Variants in LYN observed in about 807,000 individuals in gnomAD.
LYN encodes the protein tyrosine-protein kinase Lyn.
A neutral mutation model predicts 65.0 loss-of-function variants in LYN; 12 were observed. That is an observed-to-expected ratio of 0.18 (90% confidence interval 0.12 to 0.30). LYN has a LOEUF of 0.30. Ranked by LOEUF, LYN falls within the 10% of genes least tolerant of loss-of-function variation. The probability of loss-of-function intolerance (pLI) is 1.00; values close to 1 mark genes in which losing one functional copy is unlikely to be tolerated. For missense variants in LYN, 380 were observed against 623.2 expected (o/e 0.61, Z 4.16); for synonymous variants, 222 against 221.2 (o/e 1.00, Z -0.03).
chr8:55,989,360 C>G (rs1197935510), intron 10 of LYN, among the ~76,000 whole-genome samples: 1 of 152,190 alleles, frequency 6.6e-6, no homozygotes, highest in Non-Finnish European at 1.5e-5. Flanking sequence ...TAAAAGAAGT[C>G]CATCTGATAT....
chr8:55,936,467 C>A (rs2130462494), intron 1 of LYN, among the ~76,000 whole-genome samples: 1 of 152,256 alleles, frequency 6.6e-6, no homozygotes, highest in South Asian at 2.1e-4. Context: ...TGGTGAAACC[C>A]TGTCTCTACT....
At chr8:55,911,204 T>C (rs868586891) in intron 1 of LYN, among the ~76,000 whole-genome samples, 9 of 31,984 alleles carry the variant, frequency 2.8e-4, no homozygotes, top group Non-Finnish European at 5.1e-4. Flanking sequence ...CACACATATA[T>C]ATATACACGT....
At chr8:55,941,489 G>A (rs1176696517) in intron 1 of LYN, among the ~76,000 whole-genome samples, 1 of 152,174 alleles carries the variant, frequency 6.6e-6, no homozygotes, top group East Asian at 1.9e-4. Flanking sequence ...TCAACTCACA[G>A]AGCATTTCCT....
intron 1 of LYN, chr8:55,902,610 AAAAC>A (rs1010807298): frequency 7.6e-5 from 25 of 330,852 alleles, no homozygotes; most frequent in South Asian, 3.0e-4. Flanking sequence ...ATACAAAAAA[AAAAC>A]AACAACAACA....
chr8:55,932,772 G>A (rs942730766), intron 1 of LYN, among the ~76,000 whole-genome samples: 3 of 152,096 alleles, frequency 2.0e-5, no homozygotes, highest in African/African-American at 7.2e-5. Flanking sequence ...ATATACCAGG[G>A]AATACTACAC....
intron 1 of LYN, among the ~76,000 whole-genome samples, chr8:55,885,518 C>T (rs1246296446): frequency 1.3e-5 from 2 of 152,184 alleles, no homozygotes; most frequent in African/African-American, 2.4e-5. Context: ...GGGAGGTCTT[C>T]GTGTGGTCTT....
intron 1 of LYN, among the ~76,000 whole-genome samples, chr8:55,914,838 G>A (rs1422515798): frequency 6.6e-6 from 1 of 152,112 alleles, no homozygotes; most frequent in African/African-American, 2.4e-5. Context: ...TAACAATAGA[G>A]CCAAGTTTCA....
At chr8:55,970,153 T>C (rs1452282796) in intron 10 of LYN, among the ~76,000 whole-genome samples, 1 of 152,256 alleles carries the variant, frequency 6.6e-6, no homozygotes, top group Non-Finnish European at 1.5e-5. Flanking sequence ...TGCGTATGTT[T>C]TATTTAAGTT....
chr8:55,974,629 AG>A (rs1423533587), intron 10 of LYN, among the ~76,000 whole-genome samples: 4 of 152,104 alleles, frequency 2.6e-5, no homozygotes, highest in Non-Finnish European at 5.9e-5. Context: ...AAGGGTCTAG[AG>A]GGGGAAGTTC....
At chr8:55,896,983 G>T (rs540555218) in intron 1 of LYN, among the ~76,000 whole-genome samples, 8 of 152,260 alleles carry the variant, frequency 5.3e-5, no homozygotes, top group Middle Eastern at 3.4e-3. Context: ...TAGGTGATCC[G>T]CCTGCCTTGG....
intron 3 of LYN, 65 bp from the exon 4 acceptor site, chr8:55,947,553 A>C: frequency 8.8e-7 from 1 of 1,130,720 alleles, no homozygotes; most frequent in Non-Finnish European, 1.3e-6. Context: ...TTTGTGCCCC[A>C]TGAGGTTTGT....
intron 11 of LYN, among the ~76,000 whole-genome samples, chr8:55,999,050 A>C (rs1471300411): frequency 6.6e-6 from 1 of 152,184 alleles, no homozygotes; most frequent in Non-Finnish European, 1.5e-5. Flanking sequence ...GGGGCCAAGC[A>C]TGGTCGGGAC....
At chr8:55,984,321 C>T (rs1319926301) in intron 10 of LYN, among the ~76,000 whole-genome samples, 3 of 152,206 alleles carry the variant, frequency 2.0e-5, no homozygotes, top group East Asian at 1.9e-4. Context: ...AAACTGCTCC[C>T]GTGAGCCCCT....
intron 1 of LYN, among the ~76,000 whole-genome samples, chr8:55,895,903 A>G (rs1053323362): frequency 3.3e-5 from 5 of 151,570 alleles, no homozygotes; most frequent in African/African-American, 9.7e-5. Flanking sequence ...ATCCCTACCC[A>G]CTCCCTACTC....
chr8:55,881,438 C>G (rs1210506090), intron 1 of LYN, among the ~76,000 whole-genome samples: 1 of 152,236 alleles, frequency 6.6e-6, no homozygotes, highest in Non-Finnish European at 1.5e-5. Flanking sequence ...CCAGGCCTTA[C>G]TAAGCCCTTC....
At chr8:55,936,022 AAAGT>A (rs1306595459) in intron 1 of LYN, among the ~76,000 whole-genome samples, 1 of 152,186 alleles carries the variant, frequency 6.6e-6, no homozygotes, top group African/African-American at 2.4e-5. Context: ...TTCCGAAAGT[AAAGT>A]AAGAAGGACA....
chr8:55,996,943 A>G (rs1808385898), intron 10 of LYN, among the ~76,000 whole-genome samples: 1 of 152,016 alleles, frequency 6.6e-6, no homozygotes, highest in African/African-American at 2.4e-5. Flanking sequence ...CAGCCTGATG[A>G]AACCCCATCT....
chr8:55,981,484 ATGAG>A (rs1417757105), intron 10 of LYN, among the ~76,000 whole-genome samples: 1 of 152,144 alleles, frequency 6.6e-6, no homozygotes. Context: ...ACAGCTCTGA[ATGAG>A]TAACTAGAAG....
At chr8:55,984,770 G>T (rs1196009423) in intron 10 of LYN, among the ~76,000 whole-genome samples, 1 of 152,242 alleles carries the variant, frequency 6.6e-6, no homozygotes. Flanking sequence ...GTTCTTCTTG[G>T]CTTCACTCGG....
Sources: allele counts gnomAD v4.1 joint callset (sites outside exome capture counted in the v4.1 genomes callset), GRCh38; gene constraint gnomAD v4.1.1; transcripts MANE v1.5; gene names NCBI Gene and HGNC (gene_info 2026-07-23, HGNC 2026-07-21).